The following TECTA variants were observed in gnomAD, a reference collection of about 807,000 sequenced individuals.
The protein encoded by TECTA is tectorin alpha, also known as alpha-tectorin.
A neutral mutation model predicts 216.8 loss-of-function variants in TECTA; 128 were observed. That is an observed-to-expected ratio of 0.59 (90% confidence interval 0.51 to 0.68). TECTA has a LOEUF of 0.68. Ranked by LOEUF, TECTA falls within the 30% of genes least tolerant of loss-of-function variation. The pLI is 0.00. For synonymous variants in TECTA, 1,089 were observed against 1,117.1 expected (o/e 0.97, Z 0.50); for missense variants, 2,551 against 2,786.2 (o/e 0.92, Z 1.90).
intron 11 of TECTA, among the ~76,000 whole-genome samples, chr11:121,138,475 A>C (rs145497419): frequency 6.6e-6 from 1 of 152,052 alleles, no homozygotes; most frequent in Admixed American, 6.5e-5. Context: ...CTTTTTTGAG[A>C]TCAGGGTGAT....
intron 3 of TECTA, 40 bp downstream of exon 3, chr11:121,106,004 C>A: frequency 6.2e-7 from 1 of 1,614,094 alleles, no homozygotes; most frequent in Admixed American, 1.7e-5. Context: ...CTCTGGCCCT[C>A]CCTTTTGTTT....
At position 121,129,856 on chromosome 11, in the gene TECTA, C is replaced by G. The variant is rs374347076; in HGVS notation, c.2586C>G (p.Leu862=). 54 of 1,614,100 alleles carry G rather than the reference C, an allele frequency of 3.3e-5. No homozygotes were observed. The highest frequency in any genetic ancestry group is 4.1e-5 in the Non-Finnish European group (48 of 1,180,052). ...YNANASDEFC[L]PNGKCTDNLA... The stretch of plus-strand genomic sequence containing the variant: ...CCAACGCCAGTGACGAGTTCTGTCT[C>G]CCCAACGGCAAGTGCACGGACAACC... The change falls in exon 10 of 24, where the codon CTC becomes CTG. Residue 862 remains leucine, a synonymous_variant. Coordinates refer to ENST00000392793, the MANE Select transcript of TECTA (RefSeq NM_005422.4).
At chr11:121,135,696 C>T (rs1167831154) in intron 10 of TECTA, among the ~76,000 whole-genome samples, 3 of 152,192 alleles carry the variant, frequency 2.0e-5, no homozygotes, top group African/African-American at 7.2e-5. Context: ...TAATGTCCTC[C>T]GTGTCCTTGG....
intron 15 of TECTA, 30 bp downstream of exon 15, chr11:121,160,451 C>G: frequency 6.2e-7 from 1 of 1,603,432 alleles, no homozygotes. Flanking sequence ...AGCCACTAGA[C>G]TTGGTGGCCC....
Position 121,160,256 on chromosome 11 carries a change from A to G in TECTA, c.4811A>G (p.Asn1604Ser). 1 of 1,614,154 alleles carries G rather than the reference A, an allele frequency of 6.2e-7. No homozygotes were observed. Among genetic ancestry groups the G allele is most frequent in the Non-Finnish European group, 8.5e-7 (1 of 1,180,024 alleles). ...PDIQIYYNGF[N>S]VIKISISERL... Reference sequence around the variant, plus strand: ...ATCCAGATATACTACAATGGTTTCAACGTCATTAAAATCAGCATCAGCGAG... The same window carrying G: ...ATCCAGATATACTACAATGGTTTCAGCGTCATTAAAATCAGCATCAGCGAG... The change falls in exon 15 of 24, where the codon AAC becomes AGC. Residue 1604 changes from asparagine to serine, a missense_variant. Asn to Ser is a conservative substitution (Grantham distance 46). Around this residue, in one of 3 missense-constraint regions of TECTA, gnomAD observed 2,375 missense variants for 2,563.9 expected, o/e 0.93. Transcript: ENST00000392793.
intron 10 of TECTA, among the ~76,000 whole-genome samples, chr11:121,136,168 G>A (rs1304401761): frequency 6.6e-6 from 1 of 151,954 alleles, no homozygotes; most frequent in East Asian, 1.9e-4. Context: ...CACCATGTTG[G>A]CCAGGCTGTC....
chr11:121,113,597 G>A lies in TECTA; in HGVS notation c.669G>A (p.Pro223=), dbSNP rs150877023. 16 of 1,613,868 alleles carry A rather than the reference G, an allele frequency of 9.9e-6. No homozygotes were observed. The highest frequency in any genetic ancestry group is 1.7e-4 in the Middle Eastern group (1 of 6,060). ...GGNLTNFFSL[P]GSRTPEIVNI... Reference sequence around the variant, plus strand: ...ACCTCACCAATTTCTTCAGCCTCCCGGGGTCAAGAACCCCCGAGATCGTGA... The same window carrying A: ...ACCTCACCAATTTCTTCAGCCTCCCAGGGTCAAGAACCCCCGAGATCGTGA... The change falls in exon 6 of 24, where the codon CCG becomes CCA. Residue 223 remains proline (P), a synonymous_variant. Coordinates refer to ENST00000392793, the MANE Select transcript of TECTA (RefSeq NM_005422.4). This position sits in a 1 kb window ranked among gnomAD's most constrained non-coding sequence, Gnocchi z 4.2.
intron 4 of TECTA, 36 bp downstream of exon 4, chr11:121,109,534 C>T: frequency 6.2e-7 from 1 of 1,612,086 alleles, no homozygotes; most frequent in Non-Finnish European, 8.5e-7. Context: ...CACTTCATAA[C>T]CTGACATCTA....
chr11:121,152,831 C>T lies in TECTA; in HGVS notation c.4106-50C>T, dbSNP rs574263790. ...TGAGCAATGGCCATGAGAAAACCCT[C>T]CTCGGTGCCTTGTGATCGTGCGAGT... On this transcript the variant is annotated intron_variant, in intron 12 of 23. Coordinates refer to ENST00000392793, the MANE Select transcript of TECTA (RefSeq NM_005422.4). 6.4e-6 allele frequency: 10 copies of T among 1,558,268 alleles called. No individual in the cohort carries two copies. In the South Asian group the frequency reaches 1.2e-4, roughly 19 times the overall value.
intron 6 of TECTA, among the ~76,000 whole-genome samples, chr11:121,115,476 T>C (rs1266503322): frequency 6.6e-6 from 1 of 152,216 alleles, no homozygotes; most frequent in African/African-American, 2.4e-5. Context: ...TGTAGGGTAC[T>C]GTGGAAACAC....
At position 121,165,397 on chromosome 11, in the gene TECTA, G is replaced by A. The variant is rs1565535292; in HGVS notation, c.5383+14G>A. 1 of 1,563,130 alleles carries A rather than the reference G, an allele frequency of 6.4e-7. No individual in the cohort carries two copies. The highest frequency in any genetic ancestry group is 2.4e-5 in the East Asian group (1 of 42,206). The stretch of plus-strand genomic sequence containing the variant: ...CCTATGGAAATAGTGAGTGACATGG[G>A]CCACCTCCCCACCCAGAAAGGCCCC... On this transcript the variant is annotated intron_variant, in intron 17 of 23. Transcript: ENST00000392793.
At chr11:121,135,785 A>G (rs1045337963) in intron 10 of TECTA, among the ~76,000 whole-genome samples, 8 of 152,224 alleles carry the variant, frequency 5.3e-5, no homozygotes, top group African/African-American at 1.9e-4. Context: ...ATTTTCCCAG[A>G]AGATGGTGGG....
At position 121,190,963 on chromosome 11, in the gene TECTA, G is replaced by A. The variant is rs745345087; in HGVS notation, c.*157G>A. On this transcript the variant is annotated 3_prime_UTR_variant, in exon 24 of 24. Transcript: ENST00000392793. ...AATGGTCCAAGGTCCAGAAACCAGC[G>A]ACCATCCAAGCTCCTCTTTCAGAGT... The A allele has an allele frequency of 2.6e-4, 159 of 619,062 alleles. No individual in the cohort carries two copies. Among genetic ancestry groups the A allele is most frequent in the Non-Finnish European group, 3.7e-4 (128 of 343,780 alleles). The allele number at this position is 619,062 out of a possible 1,614,324, so 38.3% of individuals were successfully genotyped here. A position where few individuals can be genotyped will look rare whatever the true frequency, so the allele number is the denominator to read the frequency against.
chr11:121,104,104 G>T (rs1287874173), intron 2 of TECTA, among the ~76,000 whole-genome samples: 1 of 152,132 alleles, frequency 6.6e-6, no homozygotes, highest in Non-Finnish European at 1.5e-5. Flanking sequence ...TGATAATTCA[G>T]TGTGAATTTG....
chr11:121,160,318 T>A lies in TECTA; in HGVS notation c.4873T>A (p.Phe1625Ile), dbSNP rs764947930. ...QNKVCGLCGN[F>I]NGDLTDDYVT... ...CAAAGTGTGCGGTCTCTGTGGCAAC[T>A]TCAACGGGGACCTAACAGATGATTA... Residue 1625 changes from phenylalanine (F) to isoleucine (I), a missense_variant, in exon 15 of 24, where the codon TTC becomes ATC. Coordinates refer to ENST00000392793, the MANE Select transcript of TECTA (RefSeq NM_005422.4). 4.2e-5 allele frequency: 67 copies of A among 1,614,018 alleles called. No homozygotes were observed. Among genetic ancestry groups the A allele is most frequent in the Non-Finnish European group, 5.4e-5 (64 of 1,180,040 alleles).
intron 4 of TECTA, among the ~76,000 whole-genome samples, chr11:121,112,503 A>G (rs1408455612): frequency 6.6e-6 from 1 of 152,240 alleles, no homozygotes; most frequent in Non-Finnish European, 1.5e-5. Context: ...GCTCAATTAG[A>G]GGAGTAACTT....
At chr11:121,137,044 A>T (rs651365) in intron 10 of TECTA, among the ~76,000 whole-genome samples, 1 of 152,182 alleles carries the variant, frequency 6.6e-6, no homozygotes, top group African/African-American at 2.4e-5. Context: ...CTCCCAAATG[A>T]GGATGACTAC....
rs537154950 is a variant in TECTA, at chr11:121,129,500, T to C, written c.2368-138T>C. On this transcript the variant is annotated intron_variant, in intron 9 of 23. Coordinates refer to ENST00000392793, the MANE Select transcript of TECTA (RefSeq NM_005422.4). ...GAAGCCCATGACAAATCGGTTGGTA[T>C]CTTTGTGGGTTCCATCAGCTTCTTG... 3.6e-5 allele frequency: 30 copies of C among 822,240 alleles called. 1 individual carries two copies. Among genetic ancestry groups the C allele is most frequent in the African/African-American group, 2.0e-4 (12 of 59,386 alleles). The allele number at this position is 822,240 out of a possible 1,614,324, so 50.9% of individuals were successfully genotyped here.
rs774830844 is a variant in TECTA at position 121,109,288 on chromosome 11, G to C, written c.276G>C (p.Gly92=). 4 of 1,614,180 alleles carry C rather than the reference G, an allele frequency of 2.5e-6. No homozygotes were observed. The Middle Eastern group carries it at 6.6e-4, about 266-fold the overall frequency. Residue 92 remains glycine, a synonymous_variant, in exon 4 of 24, where the codon GGG becomes GGC. Transcript: ENST00000392793. ...FTPESFPLTD[G]RAFVAPFWAD... Reference sequence around the variant, plus strand: ...CAGAATCCTTTCCCCTGACAGATGGGAGAGCCTTCGTCGCCCCATTTTGGG... The same window carrying C: ...CAGAATCCTTTCCCCTGACAGATGGCAGAGCCTTCGTCGCCCCATTTTGGG...
Sources: gnomAD v4.1 joint callset for allele counts (sites outside exome capture counted in the v4.1 genomes callset) on GRCh38, gnomAD v4.1.1 for gene constraint, gnomAD v4.1.1 regional missense constraint, Gnocchi (gnomAD v3.1) non-coding constraint, MANE v1.5 for transcripts, NCBI Gene and HGNC (gene_info 2026-07-23, HGNC 2026-07-21) for gene names.